FTO: variants seen among roughly 807,000 people sequenced by gnomAD.
The protein encoded by FTO is alpha-ketoglutarate-dependent dioxygenase FTO.
FTO carries 47 observed loss-of-function variants against 63.9 expected under a neutral mutation model. The observed-to-expected ratio is 0.74, with a 90% confidence interval of 0.58 to 0.94. The LOEUF (loss-of-function observed/expected upper bound fraction) is 0.94. FTO is among the 40% of genes least tolerant of loss of function. The pLI is 0.00. For missense variants in FTO, 562 were observed against 618.1 expected, an observed-to-expected ratio of 0.91 and a Z score of 0.96; for synonymous variants, 207 against 224.4, an observed-to-expected ratio of 0.92 and a Z score of 0.69.
chr16:53,830,905 A>G (rs570298238), intron 3 of FTO, among the ~76,000 whole-genome samples: 1 of 152,288 alleles, frequency 6.6e-6, no homozygotes, highest in East Asian at 1.9e-4. Flanking sequence ...CAAAACAAAC[A>G]AAGAAACAAA....
chr16:54,050,545 G>A (rs1415985448), intron 8 of FTO, among the ~76,000 whole-genome samples: 1 of 152,144 alleles, frequency 6.6e-6, no homozygotes, highest in African/African-American at 2.4e-5. Flanking sequence ...ATTATCCAAA[G>A]CAGGGTGGTG....
chr16:53,758,035 C>T (rs536537289), intron 1 of FTO, among the ~76,000 whole-genome samples: 108 of 152,164 alleles, frequency 7.1e-4, no homozygotes, highest in Non-Finnish European at 7.3e-4. Context: ...TAATCAAGGA[C>T]GTTTTCCTTT....
Position 54,111,753 on chromosome 16 carries a change from C to T in FTO, c.1365-9C>T. ...CCCGTGGATTAATTTCCTATTTTTA[C>T]TCTTCCAGGTGCCAGTCACGAATTG... On this transcript the variant is annotated splice_polypyrimidine_tract_variant and intron_variant, in intron 8 of 8. Transcript: ENST00000471389. 1 of 1,614,134 alleles carries T rather than the reference C, an allele frequency of 6.2e-7. No homozygotes were observed. The highest frequency in any genetic ancestry group is 8.5e-7 in the Non-Finnish European group (1 of 1,179,992).
intron 8 of FTO, among the ~76,000 whole-genome samples, chr16:54,059,005 A>G (rs989838078): frequency 1.3e-5 from 2 of 152,236 alleles, no homozygotes; most frequent in Non-Finnish European, 2.9e-5. Context: ...CCAAAGTAGG[A>G]GAGATAAACT....
intron 8 of FTO, among the ~76,000 whole-genome samples, chr16:53,958,570 T>C (rs1336271589): frequency 6.6e-6 from 1 of 152,198 alleles, no homozygotes; most frequent in Non-Finnish European, 1.5e-5. Context: ...ATGTTCCCTG[T>C]AAAATATCAA....
intron 7 of FTO, among the ~76,000 whole-genome samples, chr16:53,891,136 G>A (rs777680551): frequency 4.0e-5 from 6 of 151,836 alleles, no homozygotes; most frequent in Non-Finnish European, 8.8e-5. Flanking sequence ...GATAACAGGG[G>A]CCCGCCACCA....
At chr16:53,900,927 A>C (rs2081389620) in intron 7 of FTO, among the ~76,000 whole-genome samples, 1 of 152,206 alleles carries the variant, frequency 6.6e-6, no homozygotes, top group Admixed American at 6.5e-5. Context: ...AAGATTAGCA[A>C]GGACCTTTTT....
chr16:53,767,267 G>A (rs1598610092), intron 1 of FTO, among the ~76,000 whole-genome samples: 1 of 152,276 alleles, frequency 6.6e-6, no homozygotes, highest in East Asian at 1.9e-4. Context: ...TTAAAGATGG[G>A]AACCTAATGT....
chr16:53,902,821 G>C (rs1323810419), intron 7 of FTO, among the ~76,000 whole-genome samples: 1 of 152,198 alleles, frequency 6.6e-6, no homozygotes, highest in African/African-American at 2.4e-5. Context: ...GAATTCAAAA[G>C]TTATCAACGT....
chr16:53,802,727 C>G (rs77336228), intron 1 of FTO, among the ~76,000 whole-genome samples: 4,909 of 152,190 alleles, frequency 0.032, 89 homozygotes, highest in South Asian at 0.08. Flanking sequence ...CTCTGTTAAC[C>G]TTTTTCTCCT....
chr16:53,954,349 TC>T (rs1171944148), intron 8 of FTO, among the ~76,000 whole-genome samples: 2 of 152,168 alleles, frequency 1.3e-5, no homozygotes, highest in East Asian at 1.9e-4. Flanking sequence ...ACTTTTTTTT[TC>T]CCTAGACCTA....
chr16:54,083,547 A>G (rs761511772), intron 8 of FTO, among the ~76,000 whole-genome samples: 2 of 152,186 alleles, frequency 1.3e-5, no homozygotes, highest in Non-Finnish European at 2.9e-5. Context: ...ATAATATGCC[A>G]GTTTTAGAAA....
intron 8 of FTO, among the ~76,000 whole-genome samples, chr16:53,984,256 C>T (rs2083612541): frequency 6.8e-6 from 1 of 147,656 alleles, no homozygotes; most frequent in African/African-American, 2.5e-5. Context: ...CCTTGCTTTT[C>T]TTACTGACTT....
At chr16:53,809,543 C>T (rs759386617) in intron 1 of FTO, among the ~76,000 whole-genome samples, 6 of 152,196 alleles carry the variant, frequency 3.9e-5, no homozygotes, top group Admixed American at 2.0e-4. Flanking sequence ...GAAAAAGACC[C>T]GGTTGTCAAC....
At chr16:54,047,102 T>G (rs2085187295) in intron 8 of FTO, among the ~76,000 whole-genome samples, 1 of 127,372 alleles carries the variant, frequency 7.9e-6, no homozygotes, top group Non-Finnish European at 1.6e-5. Context: ...AAAGCCAAAA[T>G]TGACAAATGG....
At chr16:53,984,900 A>T (rs1567495661) in intron 8 of FTO, 2 of 456,400 alleles carry the variant, frequency 4.4e-6, no homozygotes, top group Non-Finnish European at 8.8e-6. Context: ...AGGTTTCAGG[A>T]CACGGAGTAA....
At chr16:54,099,872 C>G (rs1007245359) in intron 8 of FTO, among the ~76,000 whole-genome samples, 2 of 152,176 alleles carry the variant, frequency 1.3e-5, no homozygotes, top group Admixed American at 6.5e-5. Context: ...CTACAGGACT[C>G]TACAGCGGCC....
chr16:53,848,635 A>G (rs1361609700), intron 4 of FTO, among the ~76,000 whole-genome samples: 1 of 152,238 alleles, frequency 6.6e-6, no homozygotes, highest in African/African-American at 2.4e-5. Context: ...GAGTAGGATG[A>G]TTTACTTTGC....
chr16:53,844,170 G>A lies in FTO; in HGVS notation c.767G>A (p.Ser256Asn), dbSNP rs144743617. 3.5e-3 allele frequency: 5,583 copies of A among 1,613,804 alleles called. 21 individuals are homozygous for A. The highest frequency in any genetic ancestry group is 4.3e-3 in the Middle Eastern group (26 of 6,062). The part of the protein sequence containing the change: ...SYSCEGPEEE[S>N]EDDSHLEGRD... ...CTTTTGGCAGGCCCTGAAGAGGAAA[G>A]TGAGGATGACTCTCATCTCGAAGGC... The change falls in exon 4 of 9, where the codon AGT becomes AAT. Residue 256 changes from serine to asparagine, a missense_variant. Physicochemically the swap from Ser to Asn is conservative, Grantham distance 46 (BLOSUM62 1). Transcript: ENST00000471389.
Sources: gnomAD v4.1 joint callset for allele counts (sites outside exome capture counted in the v4.1 genomes callset) on GRCh38, gnomAD v4.1.1 for gene constraint, MANE v1.5 for transcripts, NCBI Gene and HGNC (gene_info 2026-07-23, HGNC 2026-07-21) for gene names.